The following RETREG1 variants were observed in gnomAD, a reference collection of about 807,000 sequenced individuals.
RETREG1 encodes the protein family with sequence similarity 134 member B.
A neutral mutation model predicts 54.8 loss-of-function variants in RETREG1; 44 were observed. The ratio of observed to expected loss-of-function variants is 0.80; its 90% CI spans 0.63 to 1.03. The LOEUF (loss-of-function observed/expected upper bound fraction) is 1.03, where lower values mean the gene tolerates loss of function less well. RETREG1 is among the 50% of genes least tolerant of loss of function. The pLI is 0.00. For synonymous variants in RETREG1, 217 were observed against 238.5 expected (o/e 0.91, Z 0.83); for missense variants, 554 against 605.1 (o/e 0.92, Z 0.89).
chr5:16,615,266 G>A (rs537447853), intron 1 of RETREG1, among the ~76,000 whole-genome samples: 5 of 151,800 alleles, frequency 3.3e-5, no homozygotes, highest in South Asian at 2.1e-4. Context: ...CAGGCGTGGT[G>A]GCGGGCGCCT....
intron 3 of RETREG1, among the ~76,000 whole-genome samples, chr5:16,490,497 A>G (rs1250094022): frequency 6.6e-6 from 1 of 152,208 alleles, no homozygotes; most frequent in African/African-American, 2.4e-5. Flanking sequence ...AGGGGGTTAC[A>G]GGCACCATAA....
chr5:16,477,099 C>T (rs1420328083), intron 8 of RETREG1, among the ~76,000 whole-genome samples: 1 of 152,002 alleles, frequency 6.6e-6, no homozygotes. Flanking sequence ...ATTTCAAAGA[C>T]ATTTCAGGAG....
intron 3 of RETREG1, among the ~76,000 whole-genome samples, chr5:16,541,027 C>T (rs1026268826): frequency 3.9e-5 from 6 of 152,166 alleles, no homozygotes; most frequent in Non-Finnish European, 7.4e-5. Flanking sequence ...CCACCTTGGT[C>T]GCTGCACTGC....
intron 3 of RETREG1, among the ~76,000 whole-genome samples, chr5:16,564,920 A>G (rs565550786): frequency 2.6e-4 from 40 of 152,306 alleles, no homozygotes; most frequent in Non-Finnish European, 4.9e-4. Context: ...AAGATTTTTC[A>G]TGGCATTATT....
chr5:16,608,909 A>C (rs973091345), intron 1 of RETREG1, among the ~76,000 whole-genome samples: 5 of 152,212 alleles, frequency 3.3e-5, no homozygotes, highest in African/African-American at 7.2e-5. Context: ...AAGCCCTAAT[A>C]GTCTCCTATT....
At chr5:16,602,225 C>T (rs887294742) in intron 1 of RETREG1, among the ~76,000 whole-genome samples, 1 of 152,160 alleles carries the variant, frequency 6.6e-6, no homozygotes, top group African/African-American at 2.4e-5. Flanking sequence ...CATGAATATT[C>T]TCAAGAAGAA....
intron 1 of RETREG1, among the ~76,000 whole-genome samples, chr5:16,614,694 T>C (rs1159853809): frequency 6.6e-6 from 1 of 152,232 alleles, no homozygotes; most frequent in Non-Finnish European, 1.5e-5. Context: ...CTTGCATATA[T>C]GCAAAATGAT....
In RETREG1 at chr5:16,593,875, G is replaced by A. The variant is rs528031421; in HGVS notation, c.321-21773C>T. Among the ~76,000 whole-genome samples the A allele has an allele frequency of 6.6e-6, 1 of 152,324 alleles. No individual in the cohort carries two copies. The highest frequency in any genetic ancestry group is 2.1e-4 in the South Asian group (1 of 4,830). On this transcript the variant is annotated intron_variant, in intron 1 of 8. Transcript: ENST00000306320. This position sits in a 1 kb window ranked among gnomAD's most constrained non-coding sequence, Gnocchi z 4.9. ...GATGCACCTCCGTCAAATCTAAGCA[G>A]CCATGTTTACTGTGAAAGCCACACC...
rs573836945 is a variant in RETREG1, at chr5:16,607,538, C to T, written c.320+9114G>A. Among the ~76,000 whole-genome samples, 3 of 152,108 alleles carry T rather than the reference C, an allele frequency of 2.0e-5. No individual in the cohort carries two copies. The East Asian group carries it at 5.8e-4, about 29-fold the overall frequency. ...CTGAGGCAGGAGAATCGCTTGAACCCAGGAGGCGGAGACTGCAGTGAGCCA... is the reference window on the plus strand; with the variant it reads ...CTGAGGCAGGAGAATCGCTTGAACCTAGGAGGCGGAGACTGCAGTGAGCCA... On this transcript the variant is annotated intron_variant, in intron 1 of 8. Coordinates refer to ENST00000306320, the MANE Select transcript of RETREG1 (RefSeq NM_001034850.3).
intron 3 of RETREG1, among the ~76,000 whole-genome samples, chr5:16,497,886 T>G (rs576618325): frequency 1.1e-4 from 17 of 152,274 alleles, no homozygotes; most frequent in African/African-American, 3.9e-4. Context: ...ACACAACAGC[T>G]TCCAATTTTC....
rs752031011 is a variant in RETREG1, at chr5:16,597,297, A to T, written c.320+19355T>A. ...AGTTGTTATGTATATGGAGTAAGAG[A>T]CACTACAGGTGAACGGCCTAAAATA... On this transcript the variant is annotated intron_variant, in intron 1 of 8. Transcript: ENST00000306320. This position sits in a 1 kb window ranked among gnomAD's most constrained non-coding sequence, Gnocchi z 4.3. Among the ~76,000 whole-genome samples, 3 of 152,224 alleles carry T rather than the reference A, an allele frequency of 2.0e-5. No individual in the cohort carries two copies. Among genetic ancestry groups the T allele is most frequent in the Non-Finnish European group, 4.4e-5 (3 of 68,040 alleles).
Position 16,593,043 on chromosome 5 carries a change from A to G in RETREG1, c.321-20941T>C, listed in dbSNP as rs909853051. On this transcript the variant is annotated intron_variant, in intron 1 of 8. Coordinates refer to ENST00000306320, the MANE Select transcript of RETREG1 (RefSeq NM_001034850.3). The surrounding 1 kb of genome is among the most constrained non-coding windows in gnomAD (Gnocchi z 4.9). ...CACACTTGAACTTAAAAGTTTTTCAAAAAAAAAGAAAAGGAAAATGTGGAT... is the reference window on the plus strand; with the variant it reads ...CACACTTGAACTTAAAAGTTTTTCAGAAAAAAAGAAAAGGAAAATGTGGAT... Among the ~76,000 whole-genome samples, 6 of 152,032 alleles carry G rather than the reference A, an allele frequency of 3.9e-5. No homozygotes were observed. The highest frequency in any genetic ancestry group is 1.9e-4 in the East Asian group (1 of 5,190).
At chr5:16,487,530 T>C (rs1353252248) in intron 3 of RETREG1, among the ~76,000 whole-genome samples, 1 of 152,220 alleles carries the variant, frequency 6.6e-6, no homozygotes, top group African/African-American at 2.4e-5. Context: ...CCCCAGCCTC[T>C]ACATGGCCAT....
intron 3 of RETREG1, among the ~76,000 whole-genome samples, chr5:16,538,853 T>C (rs887465497): frequency 3.3e-5 from 5 of 152,136 alleles, no homozygotes; most frequent in Admixed American, 6.6e-5. Context: ...TACAGGCGCC[T>C]GCCACAATGC....
intron 3 of RETREG1, among the ~76,000 whole-genome samples, chr5:16,487,060 A>G (rs1187828264): frequency 3.9e-5 from 6 of 152,322 alleles, no homozygotes; most frequent in African/African-American, 1.4e-4. Context: ...CATGGTGTGT[A>G]GCTGTCTTCC....
At chr5:16,539,956 A>C (rs1489311945) in intron 3 of RETREG1, among the ~76,000 whole-genome samples, 1 of 152,258 alleles carries the variant, frequency 6.6e-6, no homozygotes, top group East Asian at 1.9e-4. Flanking sequence ...AACAGATAAG[A>C]ATTCCTCCTG....
chr5:16,590,738 C>G (rs1579713306), intron 1 of RETREG1, among the ~76,000 whole-genome samples: 1 of 152,074 alleles, frequency 6.6e-6, no homozygotes, highest in East Asian at 1.9e-4. Flanking sequence ...GTTCACCCAG[C>G]TAGAAGCTCA....
chr5:16,539,854 C>T (rs763659264), intron 3 of RETREG1, among the ~76,000 whole-genome samples: 1 of 152,214 alleles, frequency 6.6e-6, no homozygotes, highest in Admixed American at 6.5e-5. Context: ...CTGCACTTAT[C>T]AAATATAACT....
chr5:16,515,362 T>A (rs947365314), intron 3 of RETREG1, among the ~76,000 whole-genome samples: 4 of 152,250 alleles, frequency 2.6e-5, no homozygotes, highest in African/African-American at 9.6e-5. Context: ...ATAAATACTT[T>A]ATGTCATTCT....
Sources: gnomAD v4.1 joint callset for allele counts (sites outside exome capture counted in the v4.1 genomes callset) on GRCh38, gnomAD v4.1.1 for gene constraint, Gnocchi (gnomAD v3.1) non-coding constraint, MANE v1.5 for transcripts, NCBI Gene and HGNC (gene_info 2026-07-23, HGNC 2026-07-21) for gene names.